COL11A2: variants seen among roughly 807,000 people sequenced by gnomAD.
The protein encoded by COL11A2 is collagen type XI alpha 2 chain, also known as collagen alpha-2(XI) chain.
A neutral mutation model predicts 273.4 loss-of-function variants in COL11A2; 116 were observed. That is an observed-to-expected ratio of 0.42 (90% CI 0.36 to 0.49). The LOEUF is 0.49. Among genes scored for constraint, COL11A2 ranks in the 20% least tolerant of loss-of-function variants. The probability of loss-of-function intolerance (pLI) is 0.00; values close to 1 mark genes in which losing one functional copy is unlikely to be tolerated. For synonymous variants in COL11A2, 782 were observed against 864.2 expected (o/e 0.90, Z 1.67); for missense variants, 1,866 against 2,309.0 (o/e 0.81, Z 3.93).
rs763995767 is a variant in COL11A2 at position 33,167,493 on chromosome 6, G to A, written c.4055C>T (p.Pro1352Leu). The change falls in exon 56 of 66, where the codon CCG becomes CTG. Residue 1352 changes from proline (P) to leucine (L), a missense_variant. Pro to Leu is a moderately conservative substitution (Grantham distance 98). Transcript: ENST00000341947. This position sits in a 1 kb window ranked among gnomAD's most constrained non-coding sequence, Gnocchi z 6.1. ...CCCTGCTGGGCCTGCAGGACCCACC[G>A]GGCCTGTCTTCCCCGGGGCACCTAT... ...GAIGAPGKTG[P>L]VGPAGPAGKP... 2.2e-5 allele frequency: 36 copies of A among 1,612,314 alleles called. No individual in the cohort carries two copies. The highest frequency in any genetic ancestry group is 6.7e-5 in the African/African-American group (5 of 74,862).
rs1378431236 is a variant in COL11A2, at chr6:33,169,509, A to G, written c.3691-19T>C. 1 of 1,609,396 alleles carries G rather than the reference A, an allele frequency of 6.2e-7. No individual in the cohort carries two copies. The highest frequency in any genetic ancestry group is 8.5e-7 in the Non-Finnish European group (1 of 1,177,138). ...GTGGACCCTGCAGAACAAGCGGAGG[A>G]CACAGATGGCCCAGGGAATCTTGAA... is the stretch of plus-strand genomic sequence containing the variant. On this transcript the variant is annotated intron_variant, in intron 50 of 65. Transcript: ENST00000341947. This position sits in a 1 kb window ranked among gnomAD's most constrained non-coding sequence, Gnocchi z 5.5.
chr6:33,168,372 T>C, intron 54 of COL11A2, 147 bp downstream of exon 54: 1 of 943,462 alleles, frequency 1.1e-6, no homozygotes, highest in Non-Finnish European at 1.7e-6. Context: ...CCACACGCCC[T>C]TAAACCCACC....
At chr6:33,168,496 T>G in intron 54 of COL11A2, 23 bp downstream of exon 54, 2 of 1,613,062 alleles carry the variant, frequency 1.2e-6, no homozygotes, top group Non-Finnish European at 1.7e-6. Context: ...CCTCCCAAGG[T>G]CTCAGGGGTC....
chr6:33,178,988 G>T lies in COL11A2; in HGVS notation c.1612-15C>A. ...CCTGCCCGGCCCTGGGAGAACAAGG[G>T]AAGTGTCAGAACAAGCAGGGCCGCA... On this transcript the variant is annotated splice_polypyrimidine_tract_variant and intron_variant, in intron 16 of 65. Coordinates refer to ENST00000341947, the MANE Select transcript of COL11A2 (RefSeq NM_080680.3). This position sits in a 1 kb window ranked among gnomAD's most constrained non-coding sequence, Gnocchi z 4.6. 1 of 1,614,052 alleles carries T rather than the reference G, an allele frequency of 6.2e-7. No individual in the cohort carries two copies. Among genetic ancestry groups the T allele is most frequent in the Non-Finnish European group, 8.5e-7 (1 of 1,179,984 alleles).
At position 33,164,243 on chromosome 6, in the gene COL11A2, C is replaced by T. The variant is rs757378018; in HGVS notation, c.5070+24G>A. 5.0e-6 allele frequency: 8 copies of T among 1,612,286 alleles called. No individual in the cohort carries two copies. In the Admixed American group the frequency reaches 1.2e-4, roughly 24 times the overall value. ...CCAGCCTGAGTCTGAGATCAGCCCC[C>T]AACCCAGCTCTTCCTGTTCCCACCT... On this transcript the variant is annotated intron_variant, in intron 65 of 65. Coordinates refer to ENST00000341947, the MANE Select transcript of COL11A2 (RefSeq NM_080680.3). This position sits in a 1 kb window ranked among gnomAD's most constrained non-coding sequence, Gnocchi z 4.7.
Position 33,164,258 on chromosome 6 carries a change from T to C in COL11A2, c.5070+9A>G, listed in dbSNP as rs1169833039. Reference sequence around the variant, plus strand: ...GATCAGCCCCCAACCCAGCTCTTCCTGTTCCCACCTGGCAGCCATCTCTGA... The same window carrying C: ...GATCAGCCCCCAACCCAGCTCTTCCCGTTCCCACCTGGCAGCCATCTCTGA... On this transcript the variant is annotated intron_variant, in intron 65 of 65. Transcript: ENST00000341947. This position sits in a 1 kb window ranked among gnomAD's most constrained non-coding sequence, Gnocchi z 4.7. 6.2e-7 allele frequency: 1 copy of C among 1,612,740 alleles called. No individual in the cohort carries two copies. Among genetic ancestry groups the C allele is most frequent in the Non-Finnish European group, 8.5e-7 (1 of 1,179,956 alleles).
Position 33,168,513 on chromosome 6 carries a change from A to G in COL11A2, c.3960+6T>C. On this transcript the variant is annotated splice_donor_region_variant and intron_variant, in intron 54 of 65. Coordinates refer to ENST00000341947, the MANE Select transcript of COL11A2 (RefSeq NM_080680.3). ...TCCCAAGGTCTCAGGGGTCCACCTCACTTACTCGCTTTCCAAGTGGCCCTG... is the reference window on the plus strand; with the variant it reads ...TCCCAAGGTCTCAGGGGTCCACCTCGCTTACTCGCTTTCCAAGTGGCCCTG... 1 of 1,613,232 alleles carries G rather than the reference A, an allele frequency of 6.2e-7. No individual in the cohort carries two copies. The highest frequency in any genetic ancestry group is 1.3e-5 in the African/African-American group (1 of 74,926).
intron 52 of COL11A2, 51 bp from the exon 53 acceptor site, chr6:33,168,810 A>T (rs752311790): frequency 6.3e-7 from 1 of 1,599,336 alleles, no homozygotes; most frequent in Non-Finnish European, 8.5e-7. Flanking sequence ...GGCTGGCATC[A>T]CCTCCAAAAC....
rs1316530670 is a variant in COL11A2 at position 33,171,329 on chromosome 6, G to A, written c.3259-5C>T. ...TCCGGGGTCCCCCACCTCACCCTGG[G>A]AGGAGAAGGCAGACAAGATATTAGA... On this transcript the variant is annotated splice_region_variant and splice_polypyrimidine_tract_variant and intron_variant, in intron 43 of 65. Coordinates refer to ENST00000341947, the MANE Select transcript of COL11A2 (RefSeq NM_080680.3). 1.9e-6 allele frequency: 3 copies of A among 1,614,184 alleles called. No individual in the cohort carries two copies. The South Asian group carries it at 3.3e-5, about 18-fold the overall frequency.
In COL11A2 at chr6:33,173,205, C is replaced by G. The variant is rs566180727; in HGVS notation, c.2737-92G>C. 4.5e-6 allele frequency: 7 copies of G among 1,542,336 alleles called. No homozygotes were observed. In the African/African-American group the frequency reaches 8.2e-5, roughly 18 times the overall value. ...GGAAGGATCCCAGGCAGGATCACAC[C>G]AAGCCCTGGGCCCTGGGTCTGAGCA... On this transcript the variant is annotated intron_variant, in intron 37 of 65. Transcript: ENST00000341947. The surrounding 1 kb of genome is among the most constrained non-coding windows in gnomAD (Gnocchi z 6.3).
chr6:33,180,134 G>A (rs1391419592), intron 12 of COL11A2, 124 bp downstream of exon 12: 3 of 1,071,538 alleles, frequency 2.8e-6, no homozygotes, highest in African/African-American at 1.6e-5. Context: ...TCCCTTTGGA[G>A]TGATGATCTT....
At position 33,179,462 on chromosome 6, in the gene COL11A2, G is replaced by A. The variant is rs1156857949; in HGVS notation, c.1472C>T (p.Pro491Leu). ...ARLALRGPPG[P>L]MGYTGRPGPL... is the part of the protein sequence containing the mutation. Reference sequence around the variant, plus strand: ...TCCAGGGCGCCCTGTGTATCCCATGGGGCCAGGGGGTCCACGGAGCGCCAG... The same window carrying A: ...TCCAGGGCGCCCTGTGTATCCCATGAGGCCAGGGGGTCCACGGAGCGCCAG... The change falls in exon 14 of 66, where the codon CCC becomes CTC. Residue 491 changes from proline to leucine, a missense_variant. Transcript: ENST00000341947. The surrounding 1 kb of genome is among the most constrained non-coding windows in gnomAD (Gnocchi z 6.4). The A allele has an allele frequency of 1.3e-6, 2 of 1,567,596 alleles. No homozygotes were observed.
chr6:33,176,939 C>T lies in COL11A2; in HGVS notation c.2070+53G>A. 6.3e-7 allele frequency: 1 copy of T among 1,585,808 alleles called. No homozygotes were observed. Among genetic ancestry groups the T allele is most frequent in the Middle Eastern group, 2.0e-4 (1 of 5,106 alleles). ...TCACTAAAGGAGCTCTGAGGTCATG[C>T]ACTGGGGTGGAAGGCCAAGGGGAAC... On this transcript the variant is annotated intron_variant, in intron 25 of 65. Coordinates refer to ENST00000341947, the MANE Select transcript of COL11A2 (RefSeq NM_080680.3). This position sits in a 1 kb window ranked among gnomAD's most constrained non-coding sequence, Gnocchi z 4.9.
In COL11A2 at chr6:33,170,035, C is replaced by T; in HGVS notation, c.3636+12G>A. 6.2e-7 allele frequency: 1 copy of T among 1,613,234 alleles called. No homozygotes were observed. The highest frequency in any genetic ancestry group is 8.5e-7 in the Non-Finnish European group (1 of 1,180,000). On this transcript the variant is annotated intron_variant, in intron 49 of 65. Coordinates refer to ENST00000341947, the MANE Select transcript of COL11A2 (RefSeq NM_080680.3). This position sits in a 1 kb window ranked among gnomAD's most constrained non-coding sequence, Gnocchi z 4.3. ...CTTCCATGACTGGTCCACTCACCCC[C>T]TTCCCAGTTACCTTCTCTCCAGGGG...
Position 33,178,789 on chromosome 6 carries a change from C to T in COL11A2, c.1666-57G>A. On this transcript the variant is annotated intron_variant, in intron 17 of 65. Transcript: ENST00000341947. The surrounding 1 kb of genome is among the most constrained non-coding windows in gnomAD (Gnocchi z 4.6). ...CACGACCCTGTCCAAGCCCACCCCTCCCTACTGCACCCTGAGCTGGGGGGG... is the reference window on the plus strand; with the variant it reads ...CACGACCCTGTCCAAGCCCACCCCTTCCTACTGCACCCTGAGCTGGGGGGG... The T allele has an allele frequency of 6.2e-7, 1 of 1,608,458 alleles. No homozygotes were observed. The highest frequency in any genetic ancestry group is 1.1e-5 in the South Asian group (1 of 90,998).
chr6:33,164,611 A>C lies in COL11A2; in HGVS notation c.4864-138T>G. 1 of 826,752 alleles carries C rather than the reference A, an allele frequency of 1.2e-6. No homozygotes were observed. 51.2% of individuals were successfully genotyped at this position (826,752 alleles called of 1,614,324 possible). On this transcript the variant is annotated intron_variant, in intron 64 of 65. Coordinates refer to ENST00000341947, the MANE Select transcript of COL11A2 (RefSeq NM_080680.3). The surrounding 1 kb of genome is among the most constrained non-coding windows in gnomAD (Gnocchi z 4.7). ...CATGAGCAGGGAATGGCTGGAAGGCAAGGGCTGGGAAAGAAGTGAGGGGCT... is the reference window on the plus strand; with the variant it reads ...CATGAGCAGGGAATGGCTGGAAGGCCAGGGCTGGGAAAGAAGTGAGGGGCT...
At chr6:33,168,636 G>A (rs1769548289) in intron 53 of COL11A2, 64 bp from the exon 54 acceptor site, 6 of 1,602,792 alleles carry the variant, frequency 3.7e-6, no homozygotes, top group Non-Finnish European at 5.1e-6. Flanking sequence ...CCTCAGGAGT[G>A]GGGCACAGAA....
Position 33,173,965 on chromosome 6 carries a change from C to G in COL11A2, c.2530-39G>C. Reference sequence around the variant, plus strand: ...AGGAGTTGTCAGAGAAACCCAAATGCCCCCCTCTGGACCTTGAGCCACCTG... The same window carrying G: ...AGGAGTTGTCAGAGAAACCCAAATGGCCCCCTCTGGACCTTGAGCCACCTG... On this transcript the variant is annotated intron_variant, in intron 33 of 65. Coordinates refer to ENST00000341947, the MANE Select transcript of COL11A2 (RefSeq NM_080680.3). This position sits in a 1 kb window ranked among gnomAD's most constrained non-coding sequence, Gnocchi z 6.3. The G allele has an allele frequency of 1.2e-6, 2 of 1,613,998 alleles. No individual in the cohort carries two copies. Among genetic ancestry groups the G allele is most frequent in the Non-Finnish European group, 1.7e-6 (2 of 1,179,952 alleles).
Position 33,178,970 on chromosome 6 carries a change from G to A in COL11A2, c.1615C>T (p.Arg539Trp), listed in dbSNP as rs145499142. The A allele has an allele frequency of 2.5e-3, 3,963 of 1,614,052 alleles. 12 individuals are homozygous for A. Among genetic ancestry groups the A allele is most frequent in the Non-Finnish European group, 3.1e-3 (3,636 of 1,179,982 alleles). ...GPPGKAGRRG[R>W]AGADGARGMP... ...CCTCGGGCTCCATCAGCACCTGCCC[G>A]GCCCTGGGAGAACAAGGGAAGTGTC... The change falls in exon 17 of 66, where the codon CGG (arginine) becomes TGG (tryptophan). Residue 539 changes from arginine to tryptophan, a missense_variant. Physicochemically the swap from Arg to Trp is moderately radical, Grantham distance 101 (BLOSUM62 -3). Coordinates refer to ENST00000341947, the MANE Select transcript of COL11A2 (RefSeq NM_080680.3). This position sits in a 1 kb window ranked among gnomAD's most constrained non-coding sequence, Gnocchi z 4.6.
Sources: allele counts gnomAD v4.1 joint callset, GRCh38; gene constraint gnomAD v4.1.1; non-coding constraint Gnocchi (gnomAD v3.1); transcripts MANE v1.5; gene names NCBI Gene and HGNC (gene_info 2026-07-23, HGNC 2026-07-21).